The following DNAJB5 variants were observed in gnomAD, a reference collection of about 807,000 sequenced individuals.
DNAJB5 encodes DnaJ heat shock protein family (Hsp40) member B5, also known as dnaJ homolog subfamily B member 5.
Under a neutral mutation model 32.6 loss-of-function variants are expected in DNAJB5, and 12 were observed. The ratio of observed to expected loss-of-function variants is 0.37; its 90% CI spans 0.24 to 0.60. DNAJB5 has a LOEUF of 0.60. Among genes scored for constraint, DNAJB5 ranks in the 20% least tolerant of loss-of-function variants. DNAJB5 has a pLI of 0.71. For missense variants in DNAJB5, 358 were observed against 554.2 expected, an observed-to-expected ratio of 0.65 and a Z score of 3.55; for synonymous variants, 188 against 212.9, an observed-to-expected ratio of 0.88 and a Z score of 1.02.
Position 34,996,883 on chromosome 9 carries a change from CTG to C in DNAJB5, c.1029+28_1029+29del, listed in dbSNP as rs201718123. ...CTCAAGGAGGTGGGGCCTAGTCAGGCTGTGTGTGTGTGCTGGGGAGATGGTGG... is the reference window on the plus strand; with the variant it reads ...CTCAAGGAGGTGGGGCCTAGTCAGGCTGTGTGTGTGCTGGGGAGATGGTGG... On this transcript the variant is annotated intron_variant, in intron 4 of 4. Transcript: ENST00000682809. This position sits in a 1 kb window ranked among gnomAD's most constrained non-coding sequence, Gnocchi z 7.2. 22 of 1,596,486 alleles carry C rather than the reference CTG, an allele frequency of 1.4e-5. No homozygotes were observed. The highest frequency in any genetic ancestry group is 2.3e-5 in the South Asian group (2 of 88,860).
At position 34,990,215 on chromosome 9, in the gene DNAJB5, C is replaced by T; in HGVS notation, c.-132-284C>T. 7.6e-7 allele frequency: 1 copy of T among 1,315,188 alleles called. No individual in the cohort carries two copies. Among genetic ancestry groups the T allele is most frequent in the Non-Finnish European group, 9.9e-7 (1 of 1,013,376 alleles). 81.5% of individuals were successfully genotyped at this position (1,315,188 alleles called of 1,614,324 possible). On this transcript the variant is annotated intron_variant, in intron 1 of 4. Transcript: ENST00000682809. This position sits in a 1 kb window ranked among gnomAD's most constrained non-coding sequence, Gnocchi z 4.5. Reference sequence around the variant, plus strand: ...CCGGCCGAGCTCCGCTCTGCCCCGCCCATCTGCGAGGGAGGAGACTCCCGT... The same window carrying T: ...CCGGCCGAGCTCCGCTCTGCCCCGCTCATCTGCGAGGGAGGAGACTCCCGT...
At chr9:34,998,434 T>C (rs1275289277), downstream of DNAJB5, 6 of 152,450 alleles carry the variant, frequency 3.9e-5, no homozygotes, top group Non-Finnish European at 7.4e-5. Context: ...AAATATGGCA[T>C]CTGAGCAGGA....
At chr9:34,991,184 G>A (rs897996388) in intron 2 of DNAJB5, 25 of 413,656 alleles carry the variant, frequency 6.0e-5, no homozygotes, top group Non-Finnish European at 9.6e-5. Context: ...AGTCCCCCTC[G>A]CCATTTTCTC....
chr9:34,991,335 A>G (rs572894096), intron 2 of DNAJB5: 1 of 456,350 alleles, frequency 2.2e-6, no homozygotes, highest in African/African-American at 2.0e-5. Context: ...GAAAGCAGAA[A>G]GAGAAAAAGG....
In DNAJB5 at chr9:34,997,524, A is replaced by C. The variant is rs907280693; in HGVS notation, c.*265A>C. On this transcript the variant is annotated 3_prime_UTR_variant, in exon 5 of 5. Transcript: ENST00000682809. The surrounding 1 kb of genome is among the most constrained non-coding windows in gnomAD (Gnocchi z 4.1). ...TAGCTTTCAATCCAGTTTCCACTGC[A>C]GTGGCTGGAGAGTGACCTGAGTGCT... 1 of 601,672 alleles carries C rather than the reference A, an allele frequency of 1.7e-6. No individual in the cohort carries two copies. The highest frequency in any genetic ancestry group is 1.8e-5 in the African/African-American group (1 of 54,780). The allele number at this position is 601,672 out of a possible 1,614,324, so 37.3% of individuals were successfully genotyped here. A position where few individuals can be genotyped will look rare whatever the true frequency, so the allele number is the denominator to read the frequency against.
At chr9:34,991,743 C>T (rs1003848895) in intron 2 of DNAJB5, 9 of 261,428 alleles carry the variant, frequency 3.4e-5, no homozygotes, top group South Asian at 6.9e-5. Context: ...CCCCCACAGA[C>T]GTGACATGCT....
chr9:34,990,097 GTGAGCAGACCAGCCAGC>G lies in DNAJB5; in HGVS notation c.-133+267_-133+283del, dbSNP rs1827579723. 1 of 749,438 alleles carries G rather than the reference GTGAGCAGACCAGCCAGC, an allele frequency of 1.3e-6. No homozygotes were observed. The allele number at this position is 749,438 out of a possible 1,614,324, so 46.4% of individuals were successfully genotyped here. ...TGGGTTCTGTGGGGCGGAGGCATCT[GTGAGCAGACCAGCCAGC>G]CAGCGCGGGTGACATCACCGACCAC... On this transcript the variant is annotated intron_variant, in intron 1 of 4. Transcript: ENST00000682809. This position sits in a 1 kb window ranked among gnomAD's most constrained non-coding sequence, Gnocchi z 4.5.
At position 34,997,229 on chromosome 9, in the gene DNAJB5, G is replaced by C. The variant is rs776856885; in HGVS notation, c.1233G>C (p.Gln411His). The change falls in exon 5 of 5, where the codon CAG becomes CAC. Residue 411 changes from glutamine to histidine, a missense_variant. Gln to His is a conservative substitution (Grantham distance 24). This residue lies in a region of DNAJB5 where 248 missense variants were observed against 442.6 expected (regional missense o/e 0.56). Transcript: ENST00000682809. The surrounding 1 kb of genome is among the most constrained non-coding windows in gnomAD (Gnocchi z 4.1). ...FPDRLTPQTR[Q>H]ILKQHLPCS ...ACAGATTAACACCACAGACAAGACA[G>C]ATCCTTAAGCAGCACCTACCCTGTT... The C allele has an allele frequency of 1.9e-6, 3 of 1,614,172 alleles. No individual in the cohort carries two copies. The highest frequency in any genetic ancestry group is 2.5e-6 in the Non-Finnish European group (3 of 1,180,034).
Position 34,996,853 on chromosome 9 carries a change from T to A in DNAJB5, c.1016T>A (p.Ile339Asn). 6.2e-7 allele frequency: 1 copy of A among 1,609,850 alleles called. No individual in the cohort carries two copies. Among genetic ancestry groups the A allele is most frequent in the Non-Finnish European group, 8.5e-7 (1 of 1,177,878 alleles). ...ACCAACGTGCTCTACAGTGCCCTGA[T>A]CAGCCTCAAGGAGGTGGGGCCTAGT... ...DGTNVLYSAL[I>N]SLKEALCGCT... Residue 339 changes from isoleucine (I) to asparagine (N), a missense_variant, in exon 4 of 5, where the codon ATC (isoleucine) becomes AAC (asparagine). This residue lies in a region of DNAJB5 where 248 missense variants were observed against 442.6 expected (regional missense o/e 0.56). Coordinates refer to ENST00000682809, the MANE Select transcript of DNAJB5 (RefSeq NM_001349723.3). The surrounding 1 kb of genome is among the most constrained non-coding windows in gnomAD (Gnocchi z 7.2).
Position 34,996,390 on chromosome 9 carries a change from G to A in DNAJB5, c.553G>A (p.Ala185Thr), listed in dbSNP as rs759139617. ...CTCCAACCCCTTCGATATCTTCTTT[G>A]CCAGCAGCCGCTCCACTCGGCCCTT... Reference protein sequence around the residue: ...GGSNPFDIFFASSRSTRPFSG... With the variant: ...GGSNPFDIFFTSSRSTRPFSG... Residue 185 changes from alanine to threonine, a missense_variant, in exon 4 of 5, where the codon GCC (alanine) becomes ACC (threonine). Physicochemically the swap from Ala to Thr is moderately conservative, Grantham distance 58. Coordinates refer to ENST00000682809, the MANE Select transcript of DNAJB5 (RefSeq NM_001349723.3). This position sits in a 1 kb window ranked among gnomAD's most constrained non-coding sequence, Gnocchi z 7.2. The A allele has an allele frequency of 1.2e-6, 2 of 1,613,982 alleles. No homozygotes were observed. Among genetic ancestry groups the A allele is most frequent in the Non-Finnish European group, 1.7e-6 (2 of 1,180,030 alleles).
In DNAJB5 at chr9:34,990,177, C is replaced by G. The variant is rs999559465; in HGVS notation, c.-132-322C>G. 26 of 1,138,512 alleles carry G rather than the reference C, an allele frequency of 2.3e-5. No individual in the cohort carries two copies. The Admixed American group carries it at 7.6e-4, about 33-fold the overall frequency. 70.5% of individuals were successfully genotyped at this position (1,138,512 alleles called of 1,614,324 possible). A position where few individuals can be genotyped will look rare whatever the true frequency, so the allele number is the denominator to read the frequency against. On this transcript the variant is annotated intron_variant, in intron 1 of 4. Coordinates refer to ENST00000682809, the MANE Select transcript of DNAJB5 (RefSeq NM_001349723.3). The surrounding 1 kb of genome is among the most constrained non-coding windows in gnomAD (Gnocchi z 4.5). ...GAGCCCCCTCCCCTCCTCTCCTCGC[C>G]GCGCCTTTTGTCCCGGCCGAGCTCC...
Position 34,993,496 on chromosome 9 carries a change from T to A in DNAJB5, c.427+52T>A. 1 of 1,569,020 alleles carries A rather than the reference T, an allele frequency of 6.4e-7. No homozygotes were observed. Among genetic ancestry groups the A allele is most frequent in the East Asian group, 2.2e-5 (1 of 44,596 alleles). ...CCCGGACCCCTCCGCTTGGTAGGGG[T>A]CCCAGGTGCACCAGTTTGTGTAGCG... On this transcript the variant is annotated intron_variant, in intron 3 of 4. Coordinates refer to ENST00000682809, the MANE Select transcript of DNAJB5 (RefSeq NM_001349723.3). This position sits in a 1 kb window ranked among gnomAD's most constrained non-coding sequence, Gnocchi z 4.7.
chr9:34,996,503 T>G lies in DNAJB5; in HGVS notation c.666T>G (p.Ser222Arg). The G allele has an allele frequency of 1.9e-6, 3 of 1,613,984 alleles. No individual in the cohort carries two copies. Among genetic ancestry groups the G allele is most frequent in the South Asian group, 1.1e-5 (1 of 91,058 alleles). The change falls in exon 4 of 5, where the codon AGT becomes AGG. Residue 222 changes from serine (S) to arginine (R), a missense_variant. Coordinates refer to ENST00000682809, the MANE Select transcript of DNAJB5 (RefSeq NM_001349723.3). The surrounding 1 kb of genome is among the most constrained non-coding windows in gnomAD (Gnocchi z 7.2). ...GCCGTTTTGGCTTCAATGGGCTGAG[T>G]AGGGGTCCAAGGCGAGCCCCAGAAC... ...AFGRFGFNGL[S>R]RGPRRAPEPL...
chr9:34,992,693 G>A (rs1827686232), intron 2 of DNAJB5: 1 of 740,088 alleles, frequency 1.4e-6, no homozygotes. Context: ...CAGTCTGGCT[G>A]GCCAGGACAG....
At chr9:34,992,619 G>T (rs1471204577) in intron 2 of DNAJB5, 1 of 181,858 alleles carries the variant, frequency 5.5e-6, no homozygotes, top group Non-Finnish European at 1.1e-5. Context: ...CGTCAGAGGG[G>T]TGGGGGCGGG....
In DNAJB5 at chr9:34,990,299, C is replaced by T. The variant is rs1051193835; in HGVS notation, c.-132-200C>T. The T allele has an allele frequency of 1.4e-6, 2 of 1,418,444 alleles. No homozygotes were observed. Among genetic ancestry groups the T allele is most frequent in the Non-Finnish European group, 1.9e-6 (2 of 1,073,760 alleles). The allele number at this position is 1,418,444 out of a possible 1,614,324, so 87.9% of individuals were successfully genotyped here. On this transcript the variant is annotated intron_variant, in intron 1 of 4. Transcript: ENST00000682809. This position sits in a 1 kb window ranked among gnomAD's most constrained non-coding sequence, Gnocchi z 4.5. ...GGGTCGGGTCCTCCCCAGTGAGAGG[C>T]GACAGGAGCTCACTGCCTCTCGGGC... is the stretch of plus-strand genomic sequence containing the variant.
In DNAJB5 at chr9:34,989,929, G is replaced by A. The variant is rs1827572535; in HGVS notation, c.-133+98G>A. ...GGGTTGGGACACTGAGGGCCCGTAG[G>A]CTCTGCTGCCTTGGGGATGCGGGGC... is the stretch of plus-strand genomic sequence containing the variant. On this transcript the variant is annotated intron_variant, in intron 1 of 4. Coordinates refer to ENST00000682809, the MANE Select transcript of DNAJB5 (RefSeq NM_001349723.3). 4.0e-6 allele frequency: 5 copies of A among 1,258,504 alleles called. No individual in the cohort carries two copies. In the Admixed American group the frequency reaches 1.5e-4, roughly 37 times the overall value. The allele number at this position is 1,258,504 out of a possible 1,614,324, so 78.0% of individuals were successfully genotyped here.
intron 2 of DNAJB5, chr9:34,992,676 C>T: frequency 1.0e-5 from 6 of 583,092 alleles, no homozygotes; most frequent in Non-Finnish European, 1.3e-5. Flanking sequence ...ACACCCATTC[C>T]CTGACTCAGT....
In DNAJB5 at chr9:34,996,893, G is replaced by A. The variant is rs185135645; in HGVS notation, c.1029+27G>A. 18 of 1,592,444 alleles carry A rather than the reference G, an allele frequency of 1.1e-5. No homozygotes were observed. Among genetic ancestry groups the A allele is most frequent in the Non-Finnish European group, 1.5e-5 (18 of 1,169,710 alleles). On this transcript the variant is annotated intron_variant, in intron 4 of 4. Coordinates refer to ENST00000682809, the MANE Select transcript of DNAJB5 (RefSeq NM_001349723.3). This position sits in a 1 kb window ranked among gnomAD's most constrained non-coding sequence, Gnocchi z 7.2. Reference sequence around the variant, plus strand: ...TGGGGCCTAGTCAGGCTGTGTGTGTGTGCTGGGGAGATGGTGGGGACATTC... The same window carrying A: ...TGGGGCCTAGTCAGGCTGTGTGTGTATGCTGGGGAGATGGTGGGGACATTC...
Sources: gnomAD v4.1 joint callset for allele counts on GRCh38, gnomAD v4.1.1 for gene constraint, gnomAD v4.1.1 regional missense constraint, Gnocchi (gnomAD v3.1) non-coding constraint, MANE v1.5 for transcripts, NCBI Gene and HGNC (gene_info 2026-07-23, HGNC 2026-07-21) for gene names.